The following MS4A12 variants were observed in gnomAD, a reference collection of about 807,000 sequenced individuals.
MS4A12 encodes membrane spanning 4-domains A12, also known as membrane-spanning 4-domains subfamily A member 12.
MS4A12 carries 28 observed loss-of-function variants against 23.7 expected under a neutral mutation model. The ratio of observed to expected loss-of-function variants is 1.18; its 90% confidence interval spans 0.88 to 1.62. The LOEUF (loss-of-function observed/expected upper bound fraction) is 1.62. Ranked by LOEUF, MS4A12 falls within the 40% of genes most tolerant of loss-of-function variation. The pLI is 0.00. For missense variants in MS4A12, 342 were observed against 327.0 expected, an observed-to-expected ratio of 1.05 and a Z score of -0.35; for synonymous variants, 108 against 110.1, an observed-to-expected ratio of 0.98 and a Z score of 0.12.
chr11:60,504,965 T>C (rs2086559409), intron 5 of MS4A12, among the ~76,000 whole-genome samples: 1 of 152,150 alleles, frequency 6.6e-6, no homozygotes, highest in Non-Finnish European at 1.5e-5. Flanking sequence ...GTTAAAAACA[T>C]AGGAGAGTTT....
intron 2 of MS4A12, among the ~76,000 whole-genome samples, chr11:60,498,363 T>G (rs1309250242): frequency 1.3e-5 from 2 of 152,214 alleles, no homozygotes; most frequent in Non-Finnish European, 2.9e-5. Flanking sequence ...TCTAGCCATC[T>G]TACTATGTAT....
At chr11:60,506,608 G>A (rs1590864544) in intron 5 of MS4A12, 120 bp from the exon 6 acceptor site, 1 of 672,722 alleles carries the variant, frequency 1.5e-6, no homozygotes, top group Non-Finnish European at 2.6e-6. Flanking sequence ...GATACTGGAA[G>A]AATAAGCATG....
At chr11:60,502,580 GCT>G (rs1338314524) in intron 4 of MS4A12, among the ~76,000 whole-genome samples, 2 of 152,142 alleles carry the variant, frequency 1.3e-5, no homozygotes, top group African/African-American at 4.8e-5. Context: ...AGGACTTTGA[GCT>G]CTGTCGGTCA....
Position 60,501,076 on chromosome 11 carries a change from T to G in MS4A12, c.308T>G (p.Ile103Ser). 1 of 1,611,890 alleles carries G rather than the reference T, an allele frequency of 6.2e-7. No homozygotes were observed. Among genetic ancestry groups the G allele is most frequent in the Admixed American group, 1.7e-5 (1 of 59,586 alleles). ...CAGATCATGGTTGGATTGATGCACA[T>G]TGGTTTTGGAATTGTTTTGTGTTTA... is the stretch of plus-strand genomic sequence containing the variant. ...VIQIMVGLMH[I>S]GFGIVLCLIS... Residue 103 changes from isoleucine (I) to serine (S), a missense_variant, in exon 3 of 7, where the codon ATT becomes AGT. Transcript: ENST00000016913.
intron 1 of MS4A12, among the ~76,000 whole-genome samples, chr11:60,496,773 C>A (rs77258387): frequency 0.015 from 2,212 of 152,308 alleles, 52 homozygotes; most frequent in African/African-American, 0.05. Flanking sequence ...GAGTCATGTT[C>A]CTTCCTGGAG....
At chr11:60,506,475 GA>G (rs1290787716) in intron 5 of MS4A12, among the ~76,000 whole-genome samples, 1 of 151,872 alleles carries the variant, frequency 6.6e-6, no homozygotes, top group South Asian at 2.1e-4. Flanking sequence ...CATCACAAAG[GA>G]AAAAAACTAC....
intron 3 of MS4A12, among the ~76,000 whole-genome samples, chr11:60,501,402 T>C (rs372082954): frequency 9.2e-5 from 14 of 152,308 alleles, no homozygotes; most frequent in African/African-American, 3.1e-4. Flanking sequence ...GGGAACTCTT[T>C]CGCCATTTTA....
chr11:60,502,766 C>A (rs2086540865), intron 4 of MS4A12, among the ~76,000 whole-genome samples: 1 of 152,150 alleles, frequency 6.6e-6, no homozygotes, highest in Non-Finnish European at 1.5e-5. Context: ...CATGCTCTTG[C>A]AGACAAAAGA....
At chr11:60,504,345 C>A (rs2086554739) in intron 5 of MS4A12, among the ~76,000 whole-genome samples, 1 of 152,162 alleles carries the variant, frequency 6.6e-6, no homozygotes, top group South Asian at 2.1e-4. Flanking sequence ...GGACTCTGAC[C>A]TTAAGAGGAA....
At chr11:60,497,178 C>T (rs2086493307) in intron 1 of MS4A12, 135 bp from the exon 2 acceptor site, 4 of 1,029,350 alleles carry the variant, frequency 3.9e-6, no homozygotes, top group Non-Finnish European at 5.6e-6. Flanking sequence ...ATGTTTCTAT[C>T]AGTTGTTATG....
chr11:60,506,874 A>G (rs772700069), intron 6 of MS4A12, 36 bp downstream of exon 6: 1 of 1,583,182 alleles, frequency 6.3e-7, no homozygotes, highest in Non-Finnish European at 8.7e-7. Flanking sequence ...ATAATCTGAA[A>G]ATGCCCTGGA....
intron 1 of MS4A12, among the ~76,000 whole-genome samples, chr11:60,495,253 C>T (rs148683311): frequency 8.2e-4 from 124 of 151,706 alleles, no homozygotes; most frequent in African/African-American, 2.9e-3. Flanking sequence ...CTGCCCGCCT[C>T]GGCCTCCTAA....
Position 60,501,175 on chromosome 11 carries a change from G to C in MS4A12, c.407G>C (p.Gly136Ala), listed in dbSNP as rs2086527705. 3 of 1,604,686 alleles carry C rather than the reference G, an allele frequency of 1.9e-6. No homozygotes were observed. The highest frequency in any genetic ancestry group is 1.7e-5 in the Admixed American group (1 of 57,852). Residue 136 changes from glycine to alanine, a missense_variant, in exon 3 of 7, where the codon GGC (glycine) becomes GCC (alanine). Gly to Ala is a moderately conservative substitution (Grantham distance 60). Transcript: ENST00000016913. ...ATTGGTGGATACCCATTCTGGGGTGGCCTTTCTGTGAGTAGATTGCTAGAA... is the reference window on the plus strand; with the variant it reads ...ATTGGTGGATACCCATTCTGGGGTGCCCTTTCTGTGAGTAGATTGCTAGAA... ...AVIGGYPFWG[G>A]LSFIISGSLS...
rs190689670 is a variant in MS4A12 at position 60,496,707 on chromosome 11, T to C, written c.-6-606T>C. 5.3e-5 allele frequency among the ~76,000 whole-genome samples: 8 copies of C among 152,314 alleles called. No individual in the cohort carries two copies. The East Asian group carries it at 1.5e-3, about 29-fold the overall frequency. On this transcript the variant is annotated intron_variant, in intron 1 of 6. Transcript: ENST00000016913. ...ACAATATAATTTTTTTATCTGACAG[T>C]TCTGTAGGTCAGAATTCCAATACCA...
rs917592598 is a variant in MS4A12, at chr11:60,497,232, T to C, written c.-6-81T>C. On this transcript the variant is annotated intron_variant, in intron 1 of 6. Transcript: ENST00000016913. ...TGTTCTCTCCATTTGCATAGATAAT[T>C]GACATTTGACATTTGGTAAGATTTT... The C allele has an allele frequency of 4.9e-6, 7 of 1,427,072 alleles. No individual in the cohort carries two copies. In the African/African-American group the frequency reaches 1.0e-4, roughly 20 times the overall value. 88.4% of individuals were successfully genotyped at this position (1,427,072 alleles called of 1,614,324 possible).
intron 5 of MS4A12, among the ~76,000 whole-genome samples, chr11:60,506,019 A>G (rs2086567261): frequency 6.6e-6 from 1 of 152,206 alleles, no homozygotes; most frequent in African/African-American, 2.4e-5. Context: ...TCTCCCTGCA[A>G]CAGCTATATA....
chr11:60,506,646 A>T (rs1427535502), intron 5 of MS4A12, 82 bp from the exon 6 acceptor site: 9 of 989,414 alleles, frequency 9.1e-6, no homozygotes, highest in Non-Finnish European at 1.4e-5. Context: ...GCAATAGCAC[A>T]TTTGATGAGT....
At chr11:60,502,149 C>A (rs556458496) in intron 4 of MS4A12, 110 bp downstream of exon 4, 2 of 1,084,652 alleles carry the variant, frequency 1.8e-6, no homozygotes, top group African/African-American at 1.6e-5. Context: ...GCACCTTTCC[C>A]AAAAAAAATC....
At chr11:60,498,351 C>A (rs1479992448) in intron 2 of MS4A12, among the ~76,000 whole-genome samples, 1 of 152,200 alleles carries the variant, frequency 6.6e-6, no homozygotes, top group South Asian at 2.1e-4. Flanking sequence ...GCCAGAAACT[C>A]TTCTAGCCAT....
Sources: gnomAD v4.1 joint callset for allele counts (sites outside exome capture counted in the v4.1 genomes callset) on GRCh38, gnomAD v4.1.1 for gene constraint, MANE v1.5 for transcripts, NCBI Gene and HGNC (gene_info 2026-07-23, HGNC 2026-07-21) for gene names.